PSD3: variants seen among roughly 807,000 people sequenced by gnomAD.
PSD3 encodes the protein pleckstrin and Sec7 domain containing 3, also known as PH and SEC7 domain-containing protein 3.
Under a neutral mutation model 105.5 loss-of-function variants are expected in PSD3, and 49 were observed. That is an observed-to-expected ratio of 0.46 (90% CI 0.37 to 0.59). The LOEUF is 0.59. Among genes scored for constraint, PSD3 ranks in the 20% least tolerant of loss-of-function variants. PSD3 has a pLI of 0.00. For synonymous variants in PSD3, 557 were observed against 457.8 expected, an observed-to-expected ratio of 1.22 and a Z score of -2.77; for missense variants, 1,561 against 1,263.8, an observed-to-expected ratio of 1.24 and a Z score of -3.57.
intron 7 of PSD3, 122 bp from the exon 8 acceptor site, chr8:18,799,475 T>A (rs561860673): frequency 1.3e-6 from 1 of 761,084 alleles, no homozygotes; most frequent in Non-Finnish European, 2.2e-6. Context: ...GTACAATTAG[T>A]CCTGTTTTAA....
chr8:19,084,539 T>G (rs1286643706), exon 1 of PSD3: 1 of 396,446 alleles, frequency 2.5e-6, no homozygotes, highest in African/African-American at 2.1e-5. Flanking sequence ...TGATGGGAGC[T>G]GGGCTAGGAA....
At chr8:19,040,072 C>T (rs555414718) in intron 1 of PSD3, among the ~76,000 whole-genome samples, 21 of 152,218 alleles carry the variant, frequency 1.4e-4, no homozygotes, top group African/African-American at 3.9e-4. Flanking sequence ...CAAACATGAA[C>T]GGAAACAGCC....
At chr8:18,697,891 A>AG (rs1801347545) in intron 9 of PSD3, among the ~76,000 whole-genome samples, 1 of 152,216 alleles carries the variant, frequency 6.6e-6, no homozygotes, top group African/African-American at 2.4e-5. Context: ...CTTTTCTCTG[A>AG]GAAAAAGTCT....
At chr8:18,970,324 C>CAAAAAAAAAAAAA (rs11450922) in intron 1 of PSD3, among the ~76,000 whole-genome samples, 18 of 45,304 alleles carry the variant, frequency 4.0e-4, no homozygotes, top group South Asian at 1.8e-3. Flanking sequence ...GACTCTGCCT[C>CAAAAAAAAAAAAA]AAAAAAAAAA....
chr8:18,804,853 C>A lies in PSD3; in HGVS notation c.1680G>T (p.Met560Ile). The A allele has an allele frequency of 6.2e-7, 1 of 1,613,190 alleles. No individual in the cohort carries two copies. The highest frequency in any genetic ancestry group is 8.5e-7 in the Non-Finnish European group (1 of 1,179,168). ...CCTTTTCCAAAATTTCAGTGCTCCC[C>A]ATTTCAGAATGAGCTTCTAGCCGTG... The part of the protein sequence containing the change: ...KTTRLEAHSE[M>I]GSTEILEKET... Residue 560 changes from methionine (M) to isoleucine (I), a missense_variant, in exon 5 of 16, where the codon ATG (methionine) becomes ATT (isoleucine). Physicochemically the swap from Met to Ile is conservative, Grantham distance 10 (BLOSUM62 1). Transcript: ENST00000327040.
chr8:19,030,515 A>G (rs1827728480), intron 1 of PSD3, among the ~76,000 whole-genome samples: 2 of 151,926 alleles, frequency 1.3e-5, no homozygotes, highest in African/African-American at 2.4e-5. Context: ...TGGTTACTTA[A>G]AAGTGTGTGG....
Position 18,799,286 on chromosome 8 carries a change from C to T in PSD3, c.2082+9G>A, listed in dbSNP as rs1197354101. 6.3e-7 allele frequency: 1 copy of T among 1,594,180 alleles called. No homozygotes were observed. Among genetic ancestry groups the T allele is most frequent in the South Asian group, 1.1e-5 (1 of 90,652 alleles). ...GTTTTGGATCTAAGTTTCACAAATC[C>T]ACACTTACGTGGCCATGTAGATCGG... On this transcript the variant is annotated intron_variant, in intron 8 of 15. Transcript: ENST00000327040.
intron 9 of PSD3, among the ~76,000 whole-genome samples, chr8:18,700,313 C>T (rs1457894279): frequency 2.0e-5 from 3 of 151,912 alleles, no homozygotes; most frequent in Non-Finnish European, 2.9e-5. Flanking sequence ...ATATCGGTGG[C>T]CAAAAATAAG....
chr8:18,893,268 C>A (rs1818929541), intron 2 of PSD3, among the ~76,000 whole-genome samples: 1 of 152,086 alleles, frequency 6.6e-6, no homozygotes, highest in Admixed American at 6.5e-5. Flanking sequence ...GCTTAAGGGG[C>A]TGACCTGAGG....
intron 9 of PSD3, among the ~76,000 whole-genome samples, chr8:18,727,551 A>AACACACACACACAC (rs56410753): frequency 8.0e-5 from 11 of 137,626 alleles, no homozygotes; most frequent in African/African-American, 2.7e-4. Context: ...AAAAAATCCA[A>AACACACACACACAC]ACACACACAC....
Position 18,820,147 on chromosome 8 carries a change from T to C in PSD3, c.1635-15249A>G, listed in dbSNP as rs1296429268. 2.0e-5 allele frequency among the ~76,000 whole-genome samples: 3 copies of C among 148,976 alleles called. No homozygotes were observed. The Admixed American group carries it at 2.0e-4, about 10-fold the overall frequency. Reference sequence around the variant, plus strand: ...AACTCCAAGAGAAAGCACTGTGTCATAGTTAATTGCTGGCATTTTTTTCCT... The same window carrying C: ...AACTCCAAGAGAAAGCACTGTGTCACAGTTAATTGCTGGCATTTTTTTCCT... On this transcript the variant is annotated intron_variant, in intron 4 of 15. Coordinates refer to ENST00000327040, the MANE Select transcript of PSD3 (RefSeq NM_015310.4).
At chr8:18,546,716 C>A (rs1800472064) in intron 15 of PSD3, among the ~76,000 whole-genome samples, 1 of 152,238 alleles carries the variant, frequency 6.6e-6, no homozygotes, top group South Asian at 2.1e-4. Context: ...CCATGTTGTA[C>A]ATTAGGTCTC....
intron 4 of PSD3, among the ~76,000 whole-genome samples, chr8:18,838,476 T>G (rs1814320750): frequency 6.6e-6 from 1 of 152,114 alleles, no homozygotes; most frequent in South Asian, 2.1e-4. Flanking sequence ...TTGGGGCAAC[T>G]GAGTATGTGC....
intron 10 of PSD3, among the ~76,000 whole-genome samples, chr8:18,633,260 A>G (rs1239871923): frequency 6.6e-6 from 1 of 152,084 alleles, no homozygotes; most frequent in African/African-American, 2.4e-5. Flanking sequence ...GAAAACAGCA[A>G]AAGTGTTAGA....
chr8:18,986,902 G>T (rs1825526814), intron 1 of PSD3, among the ~76,000 whole-genome samples: 1 of 151,998 alleles, frequency 6.6e-6, no homozygotes, highest in African/African-American at 2.4e-5. Context: ...CACACACCGT[G>T]GGCCTACTTT....
intron 11 of PSD3, among the ~76,000 whole-genome samples, chr8:18,625,835 T>C (rs1806435179): frequency 6.6e-6 from 1 of 152,168 alleles, no homozygotes; most frequent in South Asian, 2.1e-4. Context: ...TATTAATGCA[T>C]GAAATGCTTA....
At chr8:18,971,619 T>G in intron 1 of PSD3, among the ~76,000 whole-genome samples, 1 of 152,078 alleles carries the variant, frequency 6.6e-6, no homozygotes, top group East Asian at 1.9e-4. Context: ...TTTGAGTCCC[T>G]CAAAAAGGAA....
chr8:18,744,405 T>C (rs1280103347), intron 9 of PSD3, among the ~76,000 whole-genome samples: 1 of 152,202 alleles, frequency 6.6e-6, no homozygotes, highest in Non-Finnish European at 1.5e-5. Context: ...TTGCCATCCA[T>C]ACCACTACTC....
chr8:18,855,323 A>C (rs1815919079), intron 4 of PSD3, among the ~76,000 whole-genome samples: 1 of 152,206 alleles, frequency 6.6e-6, no homozygotes, highest in East Asian at 1.9e-4. Context: ...TACCCAGACT[A>C]GAGAAGTTCT....
Sources: allele counts gnomAD v4.1 joint callset (sites outside exome capture counted in the v4.1 genomes callset), GRCh38; gene constraint gnomAD v4.1.1; transcripts MANE v1.5; gene names NCBI Gene and HGNC (gene_info 2026-07-23, HGNC 2026-07-21).